The following TEAD1 variants were observed in gnomAD, a reference collection of about 807,000 sequenced individuals.
TEAD1 encodes transcriptional enhancer factor TEF-1.
Under a neutral mutation model 54.9 loss-of-function variants are expected in TEAD1, and 9 were observed. The observed-to-expected ratio is 0.16, with a 90% CI of 0.10 to 0.29. TEAD1 has a LOEUF of 0.29. Ranked by LOEUF, TEAD1 falls within the 10% of genes least tolerant of loss-of-function variation. The pLI, the probability that TEAD1 is intolerant of heterozygous loss-of-function variation, is 1.00. For missense variants in TEAD1, 387 were observed against 535.9 expected (o/e 0.72, Z 2.74); for synonymous variants, 200 against 187.8 (o/e 1.07, Z -0.53).
At chr11:12,831,509 A>G (rs2134017995) in intron 3 of TEAD1, among the ~76,000 whole-genome samples, 1 of 152,302 alleles carries the variant, frequency 6.6e-6, no homozygotes, top group Non-Finnish European at 1.5e-5. Context: ...GTTTTTAAAA[A>G]TAGGGTTCTA....
intron 10 of TEAD1, among the ~76,000 whole-genome samples, chr11:12,912,566 G>A (rs1184128211): frequency 2.0e-5 from 3 of 152,102 alleles, no homozygotes; most frequent in South Asian, 2.1e-4. Flanking sequence ...AGGGAGAGAT[G>A]TGGGTGGAAA....
chr11:12,813,649 A>G lies in TEAD1; in HGVS notation c.203-48601A>G, dbSNP rs546840055. On this transcript the variant is annotated intron_variant, in intron 3 of 12. Coordinates refer to ENST00000527636, the MANE Select transcript of TEAD1 (RefSeq NM_021961.6). ...CTGTGTGAGCTACTTAATTTCTCCAAACTTCAGTGTGCACCTTCTTTGCAG... is the reference window on the plus strand; with the variant it reads ...CTGTGTGAGCTACTTAATTTCTCCAGACTTCAGTGTGCACCTTCTTTGCAG... Among the ~76,000 whole-genome samples, 57 of 152,166 alleles carry G rather than the reference A, an allele frequency of 3.7e-4. 1 individual carries two copies. The highest frequency in any genetic ancestry group is 6.3e-4 in the Non-Finnish European group (43 of 68,036).
chr11:12,870,457 C>T (rs1447923345), intron 5 of TEAD1, among the ~76,000 whole-genome samples: 1 of 151,390 alleles, frequency 6.6e-6, no homozygotes, highest in African/African-American at 2.4e-5. Context: ...GATTCAAGAG[C>T]TCGGTAAGAT....
intron 2 of TEAD1, among the ~76,000 whole-genome samples, chr11:12,749,149 T>C (rs1187486605): frequency 6.6e-6 from 1 of 152,100 alleles, no homozygotes; most frequent in African/African-American, 2.4e-5. Context: ...CGCTGGTTTG[T>C]TTTGCCTGTG....
chr11:12,790,139 A>G (rs911761471), intron 3 of TEAD1, among the ~76,000 whole-genome samples: 1 of 152,178 alleles, frequency 6.6e-6, no homozygotes, highest in African/African-American at 2.4e-5. Context: ...TCTGTATTGG[A>G]TGTTGCTGAG....
intron 5 of TEAD1, among the ~76,000 whole-genome samples, chr11:12,868,277 A>G (rs1342811051): frequency 6.6e-6 from 1 of 152,164 alleles, no homozygotes; most frequent in Non-Finnish European, 1.5e-5. Context: ...ATCCTTAGTA[A>G]TGGCCTCTTA....
chr11:12,757,674 T>A (rs1427762653), intron 2 of TEAD1, among the ~76,000 whole-genome samples: 2 of 152,258 alleles, frequency 1.3e-5, no homozygotes, highest in African/African-American at 4.8e-5. Flanking sequence ...TGAAAGTAGC[T>A]GAAACACTTC....
At chr11:12,887,443 C>T (rs1187490052) in intron 9 of TEAD1, among the ~76,000 whole-genome samples, 1 of 151,940 alleles carries the variant, frequency 6.6e-6, no homozygotes, top group Non-Finnish European at 1.5e-5. Context: ...CATGTGAGGG[C>T]CTGAAGGTTG....
intron 3 of TEAD1, among the ~76,000 whole-genome samples, chr11:12,839,013 A>T (rs990076057): frequency 2.6e-5 from 4 of 152,196 alleles, no homozygotes; most frequent in Non-Finnish European, 5.9e-5. Context: ...CACACAAGCA[A>T]GTTAGGACAG....
chr11:12,755,254 A>G (rs1788547767), intron 2 of TEAD1, among the ~76,000 whole-genome samples: 1 of 152,162 alleles, frequency 6.6e-6, no homozygotes, highest in African/African-American at 2.4e-5. Context: ...ACTTCTTGAA[A>G]TGGTGTATAT....
chr11:12,721,839 A>G (rs1226003509), intron 2 of TEAD1, among the ~76,000 whole-genome samples: 1 of 152,210 alleles, frequency 6.6e-6, no homozygotes, highest in Non-Finnish European at 1.5e-5. Context: ...CCCACTGTCC[A>G]GCAGGTTTTC....
At chr11:12,722,444 C>CT (rs1465135637) in intron 2 of TEAD1, among the ~76,000 whole-genome samples, 17 of 152,284 alleles carry the variant, frequency 1.1e-4, no homozygotes, top group African/African-American at 3.1e-4. Flanking sequence ...GGTAACATCC[C>CT]TTTCCTCATC....
intron 3 of TEAD1, among the ~76,000 whole-genome samples, chr11:12,831,488 T>C (rs561239616): frequency 1.3e-5 from 2 of 152,330 alleles, no homozygotes; most frequent in African/African-American, 4.8e-5. Flanking sequence ...AAGAAATTAT[T>C]GTTTGAAATG....
At chr11:12,674,971 G>T (rs1428987889) in intron 1 of TEAD1, 137 bp downstream of exon 1, 1 of 148,652 alleles carries the variant, frequency 6.7e-6, no homozygotes, top group Non-Finnish European at 1.5e-5. Context: ...CACGCGGAGG[G>T]CCGCGGCCGG....
intron 3 of TEAD1, among the ~76,000 whole-genome samples, chr11:12,852,509 G>A (rs529570976): frequency 3.0e-4 from 45 of 150,072 alleles, no homozygotes; most frequent in African/African-American, 9.3e-4. Context: ...GTGCAGCGGC[G>A]CGATCTTGGC....
At chr11:12,803,760 C>T (rs909516092) in intron 3 of TEAD1, among the ~76,000 whole-genome samples, 1 of 152,200 alleles carries the variant, frequency 6.6e-6, no homozygotes, top group Non-Finnish European at 1.5e-5. Context: ...CTCCTGTATC[C>T]TTCACAGCAA....
intron 3 of TEAD1, among the ~76,000 whole-genome samples, chr11:12,795,110 T>C (rs1945886896): frequency 6.6e-6 from 1 of 152,222 alleles, no homozygotes; most frequent in South Asian, 2.1e-4. Flanking sequence ...GGCAGGGCCA[T>C]GTTTTCTCAA....
chr11:12,889,110 G>A (rs1948147894), intron 9 of TEAD1, among the ~76,000 whole-genome samples: 1 of 152,206 alleles, frequency 6.6e-6, no homozygotes, highest in South Asian at 2.1e-4. Context: ...AAGGAAGAGT[G>A]TAAAAAACAA....
At chr11:12,825,154 C>A (rs1256863512) in intron 3 of TEAD1, among the ~76,000 whole-genome samples, 2 of 152,176 alleles carry the variant, frequency 1.3e-5, no homozygotes, top group African/African-American at 4.8e-5. Context: ...CTTCTTCATG[C>A]ACTTTATTAA....
Sources: allele counts gnomAD v4.1 joint callset (sites outside exome capture counted in the v4.1 genomes callset), GRCh38; gene constraint gnomAD v4.1.1; transcripts MANE v1.5; gene names NCBI Gene and HGNC (gene_info 2026-07-23, HGNC 2026-07-21).